RAB40B: variants seen among roughly 807,000 people sequenced by gnomAD.
The protein encoded by RAB40B is RAB40B, member RAS oncogene family.
RAB40B carries 21 observed loss-of-function variants against 24.0 expected under a neutral mutation model. The observed-to-expected ratio is 0.88, with a 90% CI of 0.62 to 1.26. The LOEUF is 1.26. RAB40B is among the 50% of genes most tolerant of loss of function. The probability of loss-of-function intolerance (pLI) is 0.00; values close to 1 mark genes in which losing one functional copy is unlikely to be tolerated. For missense variants in RAB40B, 348 were observed against 390.5 expected (o/e 0.89, Z 0.92); for synonymous variants, 167 against 169.8 (o/e 0.98, Z 0.13).
chr17:82,677,013 A>G (rs1341620004), intron 1 of RAB40B, among the ~76,000 whole-genome samples: 1 of 150,762 alleles, frequency 6.6e-6, no homozygotes, highest in East Asian at 2.0e-4. Context: ...CAGTGGCACG[A>G]TCTCGGCTCA....
At chr17:82,664,745 C>T in intron 1 of RAB40B, 189 bp from the exon 2 acceptor site, 2 of 572,128 alleles carry the variant, frequency 3.5e-6, no homozygotes, top group Non-Finnish European at 6.2e-6. Flanking sequence ...CGCACCCGGG[C>T]CCCTCCTGTC....
At chr17:82,659,547 G>A (rs773163299) in intron 4 of RAB40B, 33 bp downstream of exon 4, 2 of 1,608,044 alleles carry the variant, frequency 1.2e-6, no homozygotes, top group African/African-American at 2.7e-5. Flanking sequence ...CAAGCCTACA[G>A]GGATCTTGGG....
chr17:82,684,940 C>T (rs2046482617), intron 1 of RAB40B, among the ~76,000 whole-genome samples: 1 of 151,774 alleles, frequency 6.6e-6, no homozygotes, highest in East Asian at 1.9e-4. Context: ...ATGGCAAAAC[C>T]CCATCTCTAC....
chr17:82,690,947 A>T (rs1317953504), intron 1 of RAB40B, among the ~76,000 whole-genome samples: 2 of 152,242 alleles, frequency 1.3e-5, no homozygotes, highest in Non-Finnish European at 2.9e-5. Flanking sequence ...GCAAAGAGGA[A>T]GGAGCAAACC....
In RAB40B at chr17:82,697,182, C is replaced by G. The variant is rs1465713942; in HGVS notation, c.142+1273G>C. Among the ~76,000 whole-genome samples the G allele has an allele frequency of 1.3e-5, 2 of 152,172 alleles. No homozygotes were observed. The highest frequency in any genetic ancestry group is 1.3e-4 in the Admixed American group (2 of 15,274). ...ACTCTGCCCATTCCTCACCCCGTCCCCTAAGCTGAGGTGTGGCCGGGCACC... is the reference window on the plus strand; with the variant it reads ...ACTCTGCCCATTCCTCACCCCGTCCGCTAAGCTGAGGTGTGGCCGGGCACC... On this transcript the variant is annotated intron_variant, in intron 1 of 5. Transcript: ENST00000571995. This position sits in a 1 kb window ranked among gnomAD's most constrained non-coding sequence, Gnocchi z 4.9.
Position 82,658,609 on chromosome 17 carries a change from G to A in RAB40B, c.447C>T (p.Gly149=), listed in dbSNP as rs762776218. Residue 149 remains glycine, a synonymous_variant, in exon 5 of 6, where the codon GGC becomes GGT. Transcript: ENST00000571995. Reference sequence around the variant, plus strand: ...GAGGGCTGACCTCAAAGAAGGTCACGCCCAGGCGCTCGGCGTAGGCCTGGG... The same window carrying A: ...GAGGGCTGACCTCAAAGAAGGTCACACCCAGGCGCTCGGCGTAGGCCTGGG... ...EQAQAYAERL[G]VTFFEVSPLC... The A allele has an allele frequency of 3.7e-6, 6 of 1,613,528 alleles. No individual in the cohort carries two copies. The highest frequency in any genetic ancestry group is 3.3e-5 in the Admixed American group (2 of 60,032).
intron 1 of RAB40B, among the ~76,000 whole-genome samples, chr17:82,681,020 C>CAAAAAAAAAAAAAAAA (rs201799464): frequency 2.1e-5 from 2 of 93,948 alleles, no homozygotes; most frequent in African/African-American, 8.8e-5. Context: ...GACTCCATCT[C>CAAAAAAAAAAAAAAAA]AAAAAAAAAA....
At position 82,660,471 on chromosome 17, in the gene RAB40B, G is replaced by A. The variant is rs530159070; in HGVS notation, c.264+516C>T. 6.3e-5 allele frequency among the ~76,000 whole-genome samples: 9 copies of A among 143,936 alleles called. No individual in the cohort carries two copies. The East Asian group carries it at 1.9e-3, about 30-fold the overall frequency. The allele number at this position is 143,936 out of a possible 152,430, so 94.4% of individuals were successfully genotyped here. A position where few individuals can be genotyped will look rare whatever the true frequency, so the allele number is the denominator to read the frequency against. Reference sequence around the variant, plus strand: ...GCAGATGCACGCATACACAGTGCAAGTACCTGCACACGTGTACACATACAC... The same window carrying A: ...GCAGATGCACGCATACACAGTGCAAATACCTGCACACGTGTACACATACAC... On this transcript the variant is annotated intron_variant, in intron 3 of 5. Coordinates refer to ENST00000571995, the MANE Select transcript of RAB40B (RefSeq NM_006822.3).
Position 82,667,349 on chromosome 17 carries a change from C to T in RAB40B, c.143-2793G>A, listed in dbSNP as rs986578362. The stretch of plus-strand genomic sequence containing the variant: ...GCCCACATCTTCAGGCAGGCCTGGG[C>T]GTTGCAGCAGCTCTGGGCCTCTGTC... On this transcript the variant is annotated intron_variant, in intron 1 of 5. Transcript: ENST00000571995. The surrounding 1 kb of genome is among the most constrained non-coding windows in gnomAD (Gnocchi z 4.3). Among the ~76,000 whole-genome samples, 3 of 151,628 alleles carry T rather than the reference C, an allele frequency of 2.0e-5. No homozygotes were observed. Among genetic ancestry groups the T allele is most frequent in the Non-Finnish European group, 4.4e-5 (3 of 67,672 alleles).
At chr17:82,691,978 C>A (rs2046563065) in intron 1 of RAB40B, among the ~76,000 whole-genome samples, 1 of 152,204 alleles carries the variant, frequency 6.6e-6, no homozygotes, top group Non-Finnish European at 1.5e-5. Flanking sequence ...ACAGAAGACA[C>A]TTCCCTGGGT....
Position 82,658,093 on chromosome 17 carries a change from A to G in RAB40B, c.607T>C (p.Cys203Arg), listed in dbSNP as rs767175482. ...QDLCCRAVVS[C>R]TPVHLVDKLP... is the part of the protein sequence containing the mutation. ...TTGTCCACCAGGTGCACCGGCGTGC[A>G]GGACACGACCGCCCGGCAGCAGAGG... Residue 203 changes from cysteine to arginine, a missense_variant, in exon 6 of 6, where the codon TGC becomes CGC. This residue lies in a region of RAB40B where 121 missense variants were observed against 124.0 expected (regional missense o/e 0.98). Coordinates refer to ENST00000571995, the MANE Select transcript of RAB40B (RefSeq NM_006822.3). 5 of 1,614,180 alleles carry G rather than the reference A, an allele frequency of 3.1e-6. No homozygotes were observed. The highest frequency in any genetic ancestry group is 4.2e-6 in the Non-Finnish European group (5 of 1,180,026).
At chr17:82,680,666 A>AG (rs2046440086) in intron 1 of RAB40B, among the ~76,000 whole-genome samples, 2 of 152,336 alleles carry the variant, frequency 1.3e-5, no homozygotes, top group South Asian at 4.1e-4. Flanking sequence ...ACCTAGTAGT[A>AG]ATACCTATAA....
intron 1 of RAB40B, among the ~76,000 whole-genome samples, chr17:82,678,828 T>G (rs1272245900): frequency 6.6e-6 from 1 of 150,388 alleles, no homozygotes; most frequent in Admixed American, 6.6e-5. Flanking sequence ...CGTAAAATGC[T>G]CACATCTGAC....
chr17:82,661,032 C>T lies in RAB40B; in HGVS notation c.219G>A (p.Gln73=). The T allele has an allele frequency of 1.2e-6, 2 of 1,614,094 alleles. No homozygotes were observed. The highest frequency in any genetic ancestry group is 1.1e-5 in the South Asian group (1 of 91,070). The change falls in exon 3 of 6, where the codon CAG becomes CAA. Residue 73 remains glutamine, a synonymous_variant. Transcript: ENST00000571995. ...VKLQLWDTSG[Q]GRFCTIFRSY... is the part of the protein sequence containing the mutation. ...AGCGGAATATGGTACAAAATCTTCC[C>T]TGGCCTGAAGTATCCCTGGAAAAGA...
intron 1 of RAB40B, among the ~76,000 whole-genome samples, chr17:82,682,121 G>GCACACA (rs3078848): frequency 2.7e-5 from 4 of 149,998 alleles, no homozygotes; most frequent in African/African-American, 9.8e-5. Context: ...ACACACGCAT[G>GCACACA]CACACACACA....
At chr17:82,664,341 C>T (rs569472850) in intron 2 of RAB40B, among the ~76,000 whole-genome samples, 155 bp downstream of exon 2, 5 of 110,156 alleles carry the variant, frequency 4.5e-5, no homozygotes, top group East Asian at 5.5e-4. Flanking sequence ...GGTGCTGTGC[C>T]GACGGTGGTG....
chr17:82,674,894 G>C (rs536205885), intron 1 of RAB40B, among the ~76,000 whole-genome samples: 6 of 152,176 alleles, frequency 3.9e-5, no homozygotes, highest in Admixed American at 2.0e-4. Flanking sequence ...AACAACACGA[G>C]ATAATCCTGA....
At chr17:82,674,519 G>T (rs1326640347) in intron 1 of RAB40B, among the ~76,000 whole-genome samples, 2 of 147,064 alleles carry the variant, frequency 1.4e-5, no homozygotes, top group African/African-American at 5.0e-5. Context: ...GGCACCTGTA[G>T]TCCCAGCTAC....
At chr17:82,691,193 G>T (rs2046554208) in intron 1 of RAB40B, among the ~76,000 whole-genome samples, 1 of 152,192 alleles carries the variant, frequency 6.6e-6, no homozygotes. Flanking sequence ...GTAAGTGAGG[G>T]TTATTATTAT....
Sources: allele counts gnomAD v4.1 joint callset (sites outside exome capture counted in the v4.1 genomes callset), GRCh38; gene constraint gnomAD v4.1.1; regional missense constraint gnomAD v4.1.1; non-coding constraint Gnocchi (gnomAD v3.1); transcripts MANE v1.5; gene names NCBI Gene and HGNC (gene_info 2026-07-23, HGNC 2026-07-21).